The following NRG3 variants were observed in gnomAD, a reference collection of about 807,000 sequenced individuals.
NRG3 encodes neuregulin 3, also known as pro-neuregulin-3, membrane-bound isoform.
Under a neutral mutation model 66.9 loss-of-function variants are expected in NRG3, and 31 were observed. That is an observed-to-expected ratio of 0.46 (90% CI 0.35 to 0.63). The LOEUF is 0.63. Among genes scored for constraint, NRG3 ranks in the 20% least tolerant of loss-of-function variants. The pLI is 0.00. For synonymous variants in NRG3, 393 were observed against 359.4 expected (o/e 1.09, Z -1.06); for missense variants, 910 against 878.9 (o/e 1.04, Z -0.45).
At chr10:82,224,354 C>G (rs1207447613) in intron 1 of NRG3, 3 of 152,148 alleles carry the variant, frequency 2.0e-5, no homozygotes, top group African/African-American at 7.2e-5. Context: ...GCTTCAGGTA[C>G]AGCATCTAGA....
At chr10:82,650,014 C>G (rs747547413) in intron 2 of NRG3, among the ~76,000 whole-genome samples, 39 of 152,170 alleles carry the variant, frequency 2.6e-4, no homozygotes, top group Middle Eastern at 3.4e-3. Flanking sequence ...TCAGAAAAAT[C>G]CAAGAATTCT....
Position 82,738,734 on chromosome 10 carries a change from T to C in NRG3, c.1027+84T>C. On this transcript the variant is annotated intron_variant, in intron 3 of 8. Transcript: ENST00000372141. The stretch of plus-strand genomic sequence containing the variant: ...AATGGTTGTTAACTCAGCTGAAAGC[T>C]ATATTTCAGTCTTGTGTCTCTGAAA... 5.9e-6 allele frequency: 7 copies of C among 1,186,038 alleles called. No individual in the cohort carries two copies. The South Asian group carries it at 8.6e-5, about 15-fold the overall frequency. 73.5% of individuals were successfully genotyped at this position (1,186,038 alleles called of 1,614,324 possible).
chr10:82,324,145 G>A (rs1392154661), intron 1 of NRG3, among the ~76,000 whole-genome samples: 2 of 152,274 alleles, frequency 1.3e-5, no homozygotes, highest in South Asian at 2.1e-4. Context: ...GATTACAGGC[G>A]TGAGCCACCG....
intron 3 of NRG3, among the ~76,000 whole-genome samples, chr10:82,739,809 A>G (rs78277318): frequency 0.05 from 7,543 of 152,222 alleles, 604 homozygotes; most frequent in African/African-American, 0.16. Flanking sequence ...GAAATGTGAG[A>G]CACAGTTCTC....
In NRG3 at chr10:81,876,132, C is replaced by A. The variant is rs756395279; in HGVS notation, c.792C>A (p.Thr264=). 1 of 1,602,606 alleles carries A rather than the reference C, an allele frequency of 6.2e-7. No individual in the cohort carries two copies. The highest frequency in any genetic ancestry group is 1.1e-5 in the South Asian group (1 of 89,670). ...SSSSSSSATT[T]TPETSTSPKF... is the part of the protein sequence containing the mutation. ...CTTCTTCCTCCTCCGCTACCACCAC[C>A]ACACCAGAAACTAGCACCAGCCCCA... The change falls in exon 1 of 9, where the codon ACC becomes ACA. Residue 264 remains threonine (T), a synonymous_variant. Transcript: ENST00000372141.
intron 3 of NRG3, among the ~76,000 whole-genome samples, chr10:82,751,301 C>T (rs1021181430): frequency 7.2e-5 from 11 of 152,104 alleles, no homozygotes; most frequent in African/African-American, 2.7e-4. Flanking sequence ...ACATTAGATT[C>T]CCACTGTGCT....
intron 1 of NRG3, among the ~76,000 whole-genome samples, chr10:82,273,876 A>G (rs546177378): frequency 6.6e-6 from 1 of 152,162 alleles, no homozygotes; most frequent in South Asian, 2.1e-4. Flanking sequence ...CCCAGAAAGA[A>G]CAAAGCTTGT....
At chr10:82,128,285 T>C (rs117710922) in intron 1 of NRG3, among the ~76,000 whole-genome samples, 5 of 152,214 alleles carry the variant, frequency 3.3e-5, no homozygotes, top group Non-Finnish European at 7.4e-5. Flanking sequence ...TTCAGTGCTA[T>C]TTCATTTTTC....
chr10:82,213,087 T>C (rs2075483023), intron 1 of NRG3, among the ~76,000 whole-genome samples: 1 of 152,146 alleles, frequency 6.6e-6, no homozygotes, highest in African/African-American at 2.4e-5. Flanking sequence ...AGCTAGAACA[T>C]AAGCATGCAG....
chr10:82,789,741 T>C (rs1203446221), intron 3 of NRG3, among the ~76,000 whole-genome samples: 1 of 152,136 alleles, frequency 6.6e-6, no homozygotes, highest in African/African-American at 2.4e-5. Flanking sequence ...TCAGGCATTA[T>C]GGGTCTTTCT....
At chr10:82,731,120 A>C (rs774317810) in intron 2 of NRG3, among the ~76,000 whole-genome samples, 9 of 152,122 alleles carry the variant, frequency 5.9e-5, no homozygotes, top group Non-Finnish European at 1.3e-4. Context: ...TAATCCCAGC[A>C]CTTTGGGAGG....
chr10:81,891,170 C>T (rs1230543166), intron 1 of NRG3, among the ~76,000 whole-genome samples: 1 of 152,176 alleles, frequency 6.6e-6, no homozygotes, highest in Non-Finnish European at 1.5e-5. Context: ...GAGATGCTTT[C>T]ATGCCAGGAA....
intron 1 of NRG3, among the ~76,000 whole-genome samples, chr10:82,147,116 T>C (rs1047162928): frequency 2.0e-5 from 3 of 152,178 alleles, no homozygotes; most frequent in South Asian, 2.1e-4. Flanking sequence ...ACTATTTCCA[T>C]TGGGTCAAAT....
At chr10:82,016,304 A>T (rs1276724662) in intron 1 of NRG3, among the ~76,000 whole-genome samples, 1 of 152,100 alleles carries the variant, frequency 6.6e-6, no homozygotes, top group African/African-American at 2.4e-5. Context: ...AGTGGGCAGG[A>T]AAGTGACATT....
chr10:82,041,728 A>G (rs1259870576), intron 1 of NRG3, among the ~76,000 whole-genome samples: 1 of 151,632 alleles, frequency 6.6e-6, no homozygotes, highest in Non-Finnish European at 1.5e-5. Context: ...CCCTCCTTCT[A>G]TCCTTCTCTC....
intron 1 of NRG3, among the ~76,000 whole-genome samples, chr10:81,924,293 AG>A (rs1319503138): frequency 6.6e-6 from 1 of 152,246 alleles, no homozygotes; most frequent in Non-Finnish European, 1.5e-5. Context: ...ATGCTCCTAA[AG>A]TACTTTCTCA....
At chr10:82,466,831 C>G (rs139507391) in intron 2 of NRG3, among the ~76,000 whole-genome samples, 5 of 148,080 alleles carry the variant, frequency 3.4e-5, no homozygotes, top group South Asian at 2.1e-4. Flanking sequence ...GGGGCACACA[C>G]GATGAGGAGG....
chr10:82,804,371 G>GATAAGGGCTACAATA (rs2061186659), intron 3 of NRG3, among the ~76,000 whole-genome samples: 1 of 151,976 alleles, frequency 6.6e-6, no homozygotes, highest in South Asian at 2.1e-4. Context: ...TGGCTACAAT[G>GATAAGGGCTACAATA]CATGATAAGG....
intron 2 of NRG3, among the ~76,000 whole-genome samples, chr10:82,375,484 C>G (rs1028975026): frequency 2.0e-5 from 3 of 150,448 alleles, no homozygotes; most frequent in African/African-American, 7.4e-5. Flanking sequence ...TTGCAGTGAG[C>G]TGAGATCGTG....
Sources: gnomAD v4.1 joint callset for allele counts (sites outside exome capture counted in the v4.1 genomes callset) on GRCh38, gnomAD v4.1.1 for gene constraint, MANE v1.5 for transcripts, NCBI Gene and HGNC (gene_info 2026-07-23, HGNC 2026-07-21) for gene names.